CNOT9: variants seen among roughly 807,000 people sequenced by gnomAD.
The protein encoded by CNOT9 is CCR4-NOT transcription complex subunit 9.
Under a neutral mutation model 37.4 loss-of-function variants are expected in CNOT9, and 8 were observed. The observed-to-expected ratio is 0.21, with a 90% CI of 0.13 to 0.39. The LOEUF is 0.39. Ranked by LOEUF, CNOT9 falls within the 10% of genes least tolerant of loss-of-function variation. The pLI, the probability that CNOT9 is intolerant of heterozygous loss-of-function variation, is 1.00. For missense variants in CNOT9, 154 were observed against 365.3 expected (o/e 0.42, Z 4.71); for synonymous variants, 120 against 137.6 (o/e 0.87, Z 0.90).
chr2:218,587,328 G>A, intron 4 of CNOT9: 21 of 397,576 alleles, frequency 5.3e-5, no homozygotes, highest in Non-Finnish European at 7.6e-5. Flanking sequence ...TCACCATGTT[G>A]GCCAGGCTGA....
chr2:218,591,415 A>C (rs1694771335), intron 5 of CNOT9, among the ~76,000 whole-genome samples: 1 of 152,176 alleles, frequency 6.6e-6, no homozygotes, highest in African/African-American at 2.4e-5. Flanking sequence ...GAAGCGTGAA[A>C]ATCTTATTTC....
chr2:218,575,387 C>CTT lies in CNOT9; in HGVS notation c.25-5158_25-5157dup, dbSNP rs71064461. On this transcript the variant is annotated intron_variant, in intron 1 of 7. Coordinates refer to ENST00000273064, the MANE Select transcript of CNOT9 (RefSeq NM_005444.3). ...AATTTTCTTTTTTCTTTTCTTTTTT[C>CTT]TTTTTTTTTTTTTTTTTGAGATGAG... Among the ~76,000 whole-genome samples the CTT allele has an allele frequency of 3.2e-3, 401 of 127,210 alleles. 3 individuals carry two copies. The highest frequency in any genetic ancestry group is 9.7e-3 in the African/African-American group (343 of 35,286). The allele number at this position is 127,210 out of a possible 152,430, so 83.5% of individuals were successfully genotyped here. A position where few individuals can be genotyped will look rare whatever the true frequency, so the allele number is the denominator to read the frequency against.
In CNOT9 at chr2:218,580,605, T is replaced by A; in HGVS notation, c.69T>A (p.Tyr23Ter). 1 of 1,613,956 alleles carries A rather than the reference T, an allele frequency of 6.2e-7. No individual in the cohort carries two copies. ...CACAAGTGGATAGAGAAAAGATCTATCAGTGGATCAATGAGCTGTCCAGTC... is the reference window on the plus strand; with the variant it reads ...CACAAGTGGATAGAGAAAAGATCTAACAGTGGATCAATGAGCTGTCCAGTC... ...TLAQVDREKI[Y>*]QWINELSSPE... Residue 23 changes from tyrosine to a stop codon, truncating the protein, a stop_gained, in exon 2 of 8, where the codon TAT becomes TAA. Transcript: ENST00000273064. LOFTEE classifies it high-confidence loss of function.
chr2:218,580,629 T>G lies in CNOT9; in HGVS notation c.93T>G (p.Ser31Arg). Residue 31 changes from serine (S) to arginine (R), a missense_variant, in exon 2 of 8, where the codon AGT becomes AGG. By Grantham distance (110) the Ser-to-Arg change is moderately radical. Coordinates refer to ENST00000273064, the MANE Select transcript of CNOT9 (RefSeq NM_005444.3). ...KIYQWINELS[S>R]PETRENALLE... ...ATCAGTGGATCAATGAGCTGTCCAG[T>G]CCTGAGACTAGGGAAAATGCTTTGC... The G allele has an allele frequency of 6.2e-7, 1 of 1,614,030 alleles. No homozygotes were observed. Among genetic ancestry groups the G allele is most frequent in the Non-Finnish European group, 8.5e-7 (1 of 1,179,898 alleles).
intron 3 of CNOT9, 33 bp from the exon 4 acceptor site, chr2:218,584,579 T>C: frequency 6.8e-7 from 1 of 1,475,166 alleles, no homozygotes; most frequent in Non-Finnish European, 9.5e-7. Flanking sequence ...AAATCAACCC[T>C]GGGCTGTGAA....
chr2:218,570,143 G>GACC (rs1249169039), intron 1 of CNOT9, among the ~76,000 whole-genome samples: 2 of 152,182 alleles, frequency 1.3e-5, no homozygotes, highest in Non-Finnish European at 2.9e-5. Flanking sequence ...AAGGGAAGGT[G>GACC]ACCACTGAAA....
At chr2:218,583,231 GTGTCTCTCTCTCTCTCTCTCTCTC>G (rs1217951736) in intron 3 of CNOT9, 145 bp downstream of exon 3, 1,289 of 34,820 alleles carry the variant, frequency 0.037, 6 homozygotes, top group East Asian at 0.15. Flanking sequence ...GTGTGTGTGT[GTGTCTCTCTCTCTCTCTCTCTCTC>G]TCTCTCTCTC....
intron 3 of CNOT9, 103 bp downstream of exon 3, chr2:218,583,189 A>C: frequency 3.3e-6 from 2 of 612,660 alleles, no homozygotes; most frequent in Non-Finnish European, 2.9e-6. Context: ...GAGAGAGAGA[A>C]CGTTTGTGTG....
chr2:218,583,530 G>A (rs1408709415), intron 3 of CNOT9, among the ~76,000 whole-genome samples: 3 of 152,114 alleles, frequency 2.0e-5, no homozygotes, highest in Admixed American at 1.3e-4. Flanking sequence ...ATTCTGGGCG[G>A]CCTCTATAAT....
In CNOT9 at chr2:218,596,352, C is replaced by A. The variant is rs1314350285; in HGVS notation, c.*2076C>A. 1 of 152,146 alleles carries A rather than the reference C, an allele frequency of 6.6e-6. No individual in the cohort carries two copies. Among genetic ancestry groups the A allele is most frequent in the Non-Finnish European group, 1.5e-5 (1 of 68,040 alleles). The allele number at this position is 152,146 out of a possible 1,614,324, so 9.4% of individuals were successfully genotyped here. On this transcript the variant is annotated 3_prime_UTR_variant, in exon 8 of 8. Coordinates refer to ENST00000273064, the MANE Select transcript of CNOT9 (RefSeq NM_005444.3). The stretch of plus-strand genomic sequence containing the variant: ...CTGGTGTGTGTATTATATAAAGAGA[C>A]CCCTCCCCTTATTTTGTGTTTTCCA...
At position 218,568,897 on chromosome 2, in the gene CNOT9, A is replaced by AG; in HGVS notation, c.-52dup. The AG allele has an allele frequency of 3.2e-6, 5 of 1,583,360 alleles. No homozygotes were observed. Among genetic ancestry groups the AG allele is most frequent in the Non-Finnish European group, 4.3e-6 (5 of 1,163,094 alleles). Reference sequence around the variant, plus strand: ...TTGTTTTCCGCTGCAGGGGTGCTGAAGGGGGGACGCGGGTCGGACGCGTCC... The same window carrying AG: ...TTGTTTTCCGCTGCAGGGGTGCTGAAGGGGGGGACGCGGGTCGGACGCGTCC... On this transcript the variant is annotated 5_prime_UTR_variant, in exon 1 of 8. Coordinates refer to ENST00000273064, the MANE Select transcript of CNOT9 (RefSeq NM_005444.3).
At chr2:218,580,186 C>T (rs1167340484) in intron 1 of CNOT9, among the ~76,000 whole-genome samples, 7 of 152,022 alleles carry the variant, frequency 4.6e-5, no homozygotes, top group Non-Finnish European at 1.0e-4. Context: ...CCAGGCTGGT[C>T]TCAAACTCCT....
chr2:218,581,961 A>C (rs1159381557), intron 2 of CNOT9, among the ~76,000 whole-genome samples: 1 of 152,092 alleles, frequency 6.6e-6, no homozygotes, highest in East Asian at 1.9e-4. Flanking sequence ...ACACTCCTGT[A>C]ATCCCAGCTA....
chr2:218,570,384 G>C (rs1430004079), intron 1 of CNOT9, among the ~76,000 whole-genome samples: 1 of 152,180 alleles, frequency 6.6e-6, no homozygotes, highest in Non-Finnish European at 1.5e-5. Flanking sequence ...ATAGAAAACT[G>C]CTTTTTGAGA....
intron 4 of CNOT9, among the ~76,000 whole-genome samples, chr2:218,585,956 C>G (rs1028877936): frequency 6.6e-6 from 1 of 152,054 alleles, no homozygotes; most frequent in Non-Finnish European, 1.5e-5. Flanking sequence ...TTTTTTTAAA[C>G]TGCCATTTAT....
chr2:218,593,720 TATC>T (rs1694851473), intron 7 of CNOT9: 5 of 1,233,192 alleles, frequency 4.1e-6, no homozygotes, highest in Admixed American at 3.4e-5. Context: ...TTCATTAAGT[TATC>T]ATAAGTTTGA....
At chr2:218,590,553 G>T (rs1056117688) in intron 5 of CNOT9, among the ~76,000 whole-genome samples, 3 of 152,156 alleles carry the variant, frequency 2.0e-5, no homozygotes, top group African/African-American at 7.2e-5. Context: ...TATAGTTTTG[G>T]AAGTCACAAG....
intron 3 of CNOT9, among the ~76,000 whole-genome samples, chr2:218,583,739 C>T (rs1381650291): frequency 2.0e-5 from 3 of 152,160 alleles, no homozygotes; most frequent in African/African-American, 7.2e-5. Flanking sequence ...ACTGACCTTA[C>T]ACAGCTTTAG....
intron 1 of CNOT9, among the ~76,000 whole-genome samples, chr2:218,575,893 A>G (rs1694150215): frequency 6.6e-6 from 1 of 152,178 alleles, no homozygotes; most frequent in South Asian, 2.1e-4. Context: ...AGCCTTAGAA[A>G]TGTATTAGTA....
Sources: gnomAD v4.1 joint callset for allele counts (sites outside exome capture counted in the v4.1 genomes callset) on GRCh38, gnomAD v4.1.1 for gene constraint, MANE v1.5 for transcripts, NCBI Gene and HGNC (gene_info 2026-07-23, HGNC 2026-07-21) for gene names.